SZT2: variants seen among roughly 807,000 people sequenced by gnomAD.
SZT2 encodes the protein KICSTOR complex protein SZT2.
SZT2 carries 216 observed loss-of-function variants against 404.2 expected under a neutral mutation model. The observed-to-expected ratio is 0.53, with a 90% CI of 0.48 to 0.60. The LOEUF is 0.60. Among genes scored for constraint, SZT2 ranks in the 20% least tolerant of loss-of-function variants. SZT2 has a pLI of 0.00. For synonymous variants in SZT2, 1,693 were observed against 1,749.9 expected (o/e 0.97, Z 0.81); for missense variants, 3,857 against 4,459.2 (o/e 0.86, Z 3.85).
At chr1:43,391,811 G>A (rs1263504201) in intron 1 of SZT2, among the ~76,000 whole-genome samples, 708 of 19,874 alleles carry the variant, frequency 0.036, 281 homozygotes, top group Middle Eastern at 0.067. Flanking sequence ...GCCGGGCGCG[G>A]TGGCTCACGC....
rs1336836345 is a variant in SZT2 at position 43,425,183 on chromosome 1, C to T, written c.2621C>T (p.Pro874Leu). The T allele has an allele frequency of 6.2e-7, 1 of 1,614,164 alleles. No homozygotes were observed. Residue 874 changes from proline to leucine, a missense_variant, in exon 18 of 72, where the codon CCA (proline) becomes CTA (leucine). Pro to Leu is a moderately conservative substitution (Grantham distance 98). Transcript: ENST00000634258. The surrounding 1 kb of genome is among the most constrained non-coding windows in gnomAD (Gnocchi z 4.3). ...GTTGTCCAGTACATCCTCTTCCCCC[C>T]ACACTCTACCTCCACCAAAGACAGG... The part of the protein sequence containing the change: ...TCVVQYILFP[P>L]HSTSTKDSFS...
intron 11 of SZT2, 67 bp from the exon 12 acceptor site, chr1:43,422,016 T>C (rs1403151788): frequency 4.6e-6 from 7 of 1,515,880 alleles, no homozygotes; most frequent in South Asian, 1.2e-5. Flanking sequence ...TGGTTTTGTT[T>C]GCTCTTTGGA....
At position 43,424,705 on chromosome 1, in the gene SZT2, T is replaced by C; in HGVS notation, c.2472-79T>C. On this transcript the variant is annotated intron_variant, in intron 16 of 71. Transcript: ENST00000634258. This position sits in a 1 kb window ranked among gnomAD's most constrained non-coding sequence, Gnocchi z 4.1. ...TCCTTGAGGACTGCTGGGAGGTGGG[T>C]GTATGTGGGGAGAGCTTGTAGTCTC... The C allele has an allele frequency of 8.0e-7, 1 of 1,247,392 alleles. No homozygotes were observed. The highest frequency in any genetic ancestry group is 1.2e-6 in the Non-Finnish European group (1 of 859,304). 77.3% of individuals were successfully genotyped at this position (1,247,392 alleles called of 1,614,324 possible).
Position 43,431,444 on chromosome 1 carries a change from CCTTT to C in SZT2, c.5025-12_5025-9del, listed in dbSNP as rs1190707572. 3 of 1,614,038 alleles carry C rather than the reference CCTTT, an allele frequency of 1.9e-6. No homozygotes were observed. The highest frequency in any genetic ancestry group is 2.7e-5 in the African/African-American group (2 of 74,904). The stretch of plus-strand genomic sequence containing the variant: ...CATTTTCTGGAAACCAATATCTAAA[CCTTT>C]CTTCCAATTAGGCACCCAGGACTAT... On this transcript the variant is annotated splice_polypyrimidine_tract_variant and intron_variant, in intron 34 of 71. Coordinates refer to ENST00000634258, the MANE Select transcript of SZT2 (RefSeq NM_001365999.1).
intron 33 of SZT2, 71 bp downstream of exon 33, chr1:43,431,161 C>T (rs530609379): frequency 2.3e-5 from 37 of 1,580,828 alleles, no homozygotes; most frequent in African/African-American, 4.1e-5. Context: ...GAATCTAGAG[C>T]ACTTGGGGAC....
rs1023530938 is a variant in SZT2 at position 43,441,131 on chromosome 1, A to G, written c.7345-83A>G. 16 of 1,520,694 alleles carry G rather than the reference A, an allele frequency of 1.1e-5. No individual in the cohort carries two copies. Among genetic ancestry groups the G allele is most frequent in the Non-Finnish European group, 1.4e-5 (16 of 1,119,414 alleles). 94.2% of individuals were successfully genotyped at this position (1,520,694 alleles called of 1,614,324 possible). Reference sequence around the variant, plus strand: ...TGAACCCAGACCTCTGAATCCTCCTAGCTCACTGCTGTTCCATAGTGCCCC... The same window carrying G: ...TGAACCCAGACCTCTGAATCCTCCTGGCTCACTGCTGTTCCATAGTGCCCC... On this transcript the variant is annotated intron_variant, in intron 52 of 71. Transcript: ENST00000634258. This position sits in a 1 kb window ranked among gnomAD's most constrained non-coding sequence, Gnocchi z 4.8.
intron 28 of SZT2, 163 bp from the exon 29 acceptor site, chr1:43,429,540 T>A: frequency 1.3e-6 from 1 of 744,460 alleles, no homozygotes; most frequent in South Asian, 1.9e-5. Context: ...AAAGCCAAAA[T>A]GTGTAGGTTG....
At chr1:43,409,257 A>C (rs1650715293) in intron 4 of SZT2, among the ~76,000 whole-genome samples, 2 of 152,170 alleles carry the variant, frequency 1.3e-5, no homozygotes, top group South Asian at 4.1e-4. Context: ...TGTACCCTCC[A>C]GTTTGGGGTA....
rs139626497 is a variant in SZT2 at position 43,441,230 on chromosome 1, G to A, written c.7361G>A (p.Gly2454Glu). The A allele has an allele frequency of 2.5e-6, 4 of 1,614,114 alleles. No homozygotes were observed. Among genetic ancestry groups the A allele is most frequent in the Admixed American group, 1.7e-5 (1 of 60,012 alleles). The change falls in exon 53 of 72, where the codon GGG (glycine) becomes GAG (glutamate). Residue 2454 changes from glycine (G) to glutamate (E), a missense_variant. Transcript: ENST00000634258. The surrounding 1 kb of genome is among the most constrained non-coding windows in gnomAD (Gnocchi z 4.8). ...FWDMLSKTEC[G>E]DLGSPKTTDD... is the part of the protein sequence containing the mutation. ...TGCCCCCAGAGTAAAACAGAATGTGGGGATTTGGGTTCCCCCAAAACAACT... is the reference window on the plus strand; with the variant it reads ...TGCCCCCAGAGTAAAACAGAATGTGAGGATTTGGGTTCCCCCAAAACAACT...
chr1:43,449,538 GGGGAAGGGTGACAAGCCCA>G (rs1372371589), intron 70 of SZT2: 1 of 162,640 alleles, frequency 6.1e-6, no homozygotes, highest in East Asian at 1.7e-4. Context: ...AGTGGGTTTT[GGGGAAGGGTGACAAGCCCA>G]GCTTGGGGCA....
At chr1:43,446,717 C>CAAAATGGCCCAGTTTCTG in intron 65 of SZT2, 1 of 617,394 alleles carries the variant, frequency 1.6e-6, no homozygotes, top group Non-Finnish European at 2.8e-6. Flanking sequence ...TGGGATAGAG[C>CAAAATGGCCCAGTTTCTG]AAAATGGCCC....
At chr1:43,447,445 T>G in intron 66 of SZT2, 100 bp from the exon 67 acceptor site, 1 of 1,488,000 alleles carries the variant, frequency 6.7e-7, no homozygotes, top group Non-Finnish European at 9.0e-7. Context: ...CCACTCTGCC[T>G]GCCAGTCAGA....
chr1:43,437,820 T>C lies in SZT2; in HGVS notation c.6426T>C (p.Ser2142=), dbSNP rs770250320. The change falls in exon 46 of 72, where the codon TCT becomes TCC. Residue 2142 remains serine (S), a synonymous_variant. Coordinates refer to ENST00000634258, the MANE Select transcript of SZT2 (RefSeq NM_001365999.1). The surrounding 1 kb of genome is among the most constrained non-coding windows in gnomAD (Gnocchi z 5.3). ...SGPRSPLDMV[S]SRSSDAARPV... ...CTCGTTCTCCCTTAGACATGGTCTC[T>C]AGCCGCAGTTCAGATGCTGCTCGTC... 6.2e-7 allele frequency: 1 copy of C among 1,614,184 alleles called. No homozygotes were observed. Among genetic ancestry groups the C allele is most frequent in the South Asian group, 1.1e-5 (1 of 91,082 alleles).
At chr1:43,398,303 C>T (rs145139928) in intron 1 of SZT2, among the ~76,000 whole-genome samples, 91 of 152,176 alleles carry the variant, frequency 6.0e-4, no homozygotes, top group African/African-American at 1.7e-3. Flanking sequence ...AAAACCATAG[C>T]GAATTCACTT....
rs763529292 is a variant in SZT2, at chr1:43,445,885, T to C, written c.8826-9T>C. 11 of 1,613,986 alleles carry C rather than the reference T, an allele frequency of 6.8e-6. No individual in the cohort carries two copies. The highest frequency in any genetic ancestry group is 5.0e-5 in the Admixed American group (3 of 60,008). ...GCCTCATCCTCTTATCCCTCCTCCT[T>C]TTCTATAGCACCAGCCGGCCACGGG... On this transcript the variant is annotated splice_polypyrimidine_tract_variant and intron_variant, in intron 62 of 71. Transcript: ENST00000634258.
At chr1:43,409,563 C>A in intron 4 of SZT2, 1 of 275,970 alleles carries the variant, frequency 3.6e-6, no homozygotes, top group South Asian at 3.3e-5. Flanking sequence ...TAAACAAATT[C>A]AGTAAAGTTG....
intron 28 of SZT2, chr1:43,429,006 G>GTTTTTTAAT: frequency 6.2e-6 from 1 of 161,258 alleles, no homozygotes; most frequent in Non-Finnish European, 1.4e-5. Context: ...CTAGAAGGAT[G>GTTTTTTAAT]GATATGCTGA....
chr1:43,397,410 A>G (rs1219186627), intron 1 of SZT2, among the ~76,000 whole-genome samples: 1 of 150,864 alleles, frequency 6.6e-6, no homozygotes, highest in African/African-American at 2.4e-5. Flanking sequence ...TGGGTGACAG[A>G]GCGAGACTCC....
At position 43,448,100 on chromosome 1, in the gene SZT2, C is replaced by T. The variant is rs377674000; in HGVS notation, c.9585C>T (p.Leu3195=). 1.9e-6 allele frequency: 3 copies of T among 1,596,992 alleles called. No individual in the cohort carries two copies. The highest frequency in any genetic ancestry group is 4.5e-5 in the East Asian group (2 of 44,604). Reference sequence around the variant, plus strand: ...CCAGGCTACAGTTCTTCGTGGTGCTCACCAGCCAGCGAGAGCTCTTCCCCA... The same window carrying T: ...CCAGGCTACAGTTCTTCGTGGTGCTTACCAGCCAGCGAGAGCTCTTCCCCA... ...HVLRLQFFVV[L]TSQRELFPRL... Residue 3195 remains leucine, a synonymous_variant, in exon 69 of 72, where the codon CTC becomes CTT. Coordinates refer to ENST00000634258, the MANE Select transcript of SZT2 (RefSeq NM_001365999.1). This position sits in a 1 kb window ranked among gnomAD's most constrained non-coding sequence, Gnocchi z 4.2.
Sources: gnomAD v4.1 joint callset for allele counts (sites outside exome capture counted in the v4.1 genomes callset) on GRCh38, gnomAD v4.1.1 for gene constraint, Gnocchi (gnomAD v3.1) non-coding constraint, MANE v1.5 for transcripts, NCBI Gene and HGNC (gene_info 2026-07-23, HGNC 2026-07-21) for gene names.